Variants in SGCG observed in about 807,000 individuals in gnomAD.
The protein encoded by SGCG is sarcoglycan gamma.
Under a neutral mutation model 29.3 loss-of-function variants are expected in SGCG, and 26 were observed. That is an observed-to-expected ratio of 0.89 (90% CI 0.65 to 1.23). SGCG has a LOEUF of 1.23. SGCG is among the 50% of genes most tolerant of loss of function. SGCG has a pLI of 0.00. For missense variants in SGCG, 353 were observed against 356.0 expected, an observed-to-expected ratio of 0.99 and a Z score of 0.07; for synonymous variants, 145 against 129.7, an observed-to-expected ratio of 1.12 and a Z score of -0.80.
chr13:23,198,567 C>G (rs1877606149), intron 1 of SGCG, among the ~76,000 whole-genome samples: 1 of 152,072 alleles, frequency 6.6e-6, no homozygotes, highest in Non-Finnish European at 1.5e-5. Context: ...TATAGCATGG[C>G]CGGGCGCGGT....
At chr13:23,289,366 T>C (rs1881613752) in intron 5 of SGCG, among the ~76,000 whole-genome samples, 1 of 152,234 alleles carries the variant, frequency 6.6e-6, no homozygotes, top group Non-Finnish European at 1.5e-5. Flanking sequence ...CCAAGTAATA[T>C]TTTACGCTAC....
chr13:23,286,817 T>C (rs1206933608), intron 5 of SGCG, among the ~76,000 whole-genome samples: 1 of 152,232 alleles, frequency 6.6e-6, no homozygotes, highest in Non-Finnish European at 1.5e-5. Flanking sequence ...AATGCCTACA[T>C]GATAAGATGA....
At chr13:23,183,349 A>G (rs1404233919) in intron 1 of SGCG, among the ~76,000 whole-genome samples, 1 of 152,174 alleles carries the variant, frequency 6.6e-6, no homozygotes, top group Non-Finnish European at 1.5e-5. Context: ...CTGGTCAGGA[A>G]CTTGAACCTG....
intron 7 of SGCG, 122 bp downstream of exon 7, chr13:23,320,882 A>G: frequency 1.9e-6 from 2 of 1,031,898 alleles, no homozygotes; most frequent in Non-Finnish European, 3.0e-6. Context: ...TGAAGGTCAT[A>G]GAGTAGCAAA....
chr13:23,309,249 G>T (rs34845173), intron 6 of SGCG, among the ~76,000 whole-genome samples: 37,684 of 149,648 alleles, frequency 0.25, 5,247 homozygotes, highest in South Asian at 0.33. Flanking sequence ...TACATATGCC[G>T]AGAGAGAGAG....
At chr13:23,192,174 C>T (rs146012717) in intron 1 of SGCG, among the ~76,000 whole-genome samples, 13 of 112,816 alleles carry the variant, frequency 1.2e-4, no homozygotes, top group East Asian at 6.8e-4. Context: ...GACTGCGTCC[C>T]AAAAAAAAAA....
chr13:23,226,414 C>T (rs1168494733), intron 2 of SGCG, among the ~76,000 whole-genome samples: 1 of 150,020 alleles, frequency 6.7e-6, no homozygotes, highest in Non-Finnish European at 1.5e-5. Context: ...TGTATAATAT[C>T]TGTAGGCTGA....
intron 5 of SGCG, among the ~76,000 whole-genome samples, chr13:23,285,258 A>AT (rs1300491363): frequency 2.0e-5 from 3 of 152,138 alleles, no homozygotes; most frequent in Admixed American, 2.0e-4. Flanking sequence ...AGTTTTATCT[A>AT]TAACTCCCTG....
At chr13:23,177,827 C>T (rs1188303510), upstream of SGCG, among the ~76,000 whole-genome samples, 2 of 152,086 alleles carry the variant, frequency 1.3e-5, no homozygotes, top group Admixed American at 6.5e-5. Flanking sequence ...GATCTGCTCA[C>T]CTTGGCCTCC....
intron 6 of SGCG, among the ~76,000 whole-genome samples, chr13:23,315,191 A>G (rs1255010802): frequency 2.0e-5 from 3 of 152,010 alleles, no homozygotes; most frequent in Non-Finnish European, 4.4e-5. Flanking sequence ...TTGAGAGACA[A>G]CTCTTGGCCT....
At position 23,197,602 on chromosome 13, in the gene SGCG, C is replaced by T. The variant is rs185210369; in HGVS notation, c.1-6093C>T. ...AAAGATGGCTTACTCTCTTATCTGA[C>T]AGATTGCATACAGCTGCAAAGAGAA... On this transcript the variant is annotated intron_variant, in intron 1 of 7. Transcript: ENST00000218867. Among the ~76,000 whole-genome samples, 222 of 152,258 alleles carry T rather than the reference C, an allele frequency of 1.5e-3. 3 individuals carry two copies. The South Asian group carries it at 0.016, about 11-fold the overall frequency.
At chr13:23,304,947 ATGCG>A (rs1290188883) in intron 6 of SGCG, among the ~76,000 whole-genome samples, 4 of 152,120 alleles carry the variant, frequency 2.6e-5, no homozygotes, top group African/African-American at 7.2e-5. Flanking sequence ...TTGTGCACAC[ATGCG>A]TGCACGTGCT....
At chr13:23,195,767 A>G (rs1314777792) in intron 1 of SGCG, among the ~76,000 whole-genome samples, 2 of 152,004 alleles carry the variant, frequency 1.3e-5, no homozygotes, top group African/African-American at 2.4e-5. Context: ...TGATCCATCT[A>G]TTTTGCTATA....
chr13:23,186,779 C>T (rs185689198), intron 1 of SGCG, among the ~76,000 whole-genome samples: 5 of 152,274 alleles, frequency 3.3e-5, no homozygotes, highest in South Asian at 2.1e-4. Context: ...ATGTACCTAG[C>T]GCCCCTCTGC....
chr13:23,161,399 G>A, the SGCG span, among the ~76,000 whole-genome samples: 1 of 152,210 alleles, frequency 6.6e-6, no homozygotes, highest in African/African-American at 2.4e-5. Flanking sequence ...ATATTGTACA[G>A]GCGGATTTTG....
intron 6 of SGCG, among the ~76,000 whole-genome samples, chr13:23,302,759 A>T (rs1882212229): frequency 6.6e-6 from 1 of 152,208 alleles, no homozygotes; most frequent in African/African-American, 2.4e-5. Context: ...GGAACTTTTT[A>T]AAAACTATTT....
chr13:23,285,086 T>C (rs1315746367), intron 5 of SGCG, among the ~76,000 whole-genome samples: 1 of 151,998 alleles, frequency 6.6e-6, no homozygotes, highest in Non-Finnish European at 1.5e-5. Flanking sequence ...GGCACAGGGG[T>C]CAGGGACCCA....
intron 5 of SGCG, among the ~76,000 whole-genome samples, chr13:23,293,830 TAA>T (rs10579291): frequency 0.43 from 61,268 of 142,870 alleles, 13,182 homozygotes; most frequent in Non-Finnish European, 0.46. Context: ...GATTCCGTCT[TAA>T]AAAAAAAAAA....
At chr13:23,317,854 A>G (rs576230968) in intron 6 of SGCG, among the ~76,000 whole-genome samples, 6 of 152,286 alleles carry the variant, frequency 3.9e-5, no homozygotes, top group Non-Finnish European at 5.9e-5. Flanking sequence ...GGATTAAAAG[A>G]TACAAAGTAT....
Sources: gnomAD v4.1 joint callset for allele counts (sites outside exome capture counted in the v4.1 genomes callset) on GRCh38, gnomAD v4.1.1 for gene constraint, MANE v1.5 for transcripts, NCBI Gene and HGNC (gene_info 2026-07-23, HGNC 2026-07-21) for gene names.